The following DNAH14 variants were observed in gnomAD, a reference collection of about 807,000 sequenced individuals.
DNAH14 encodes dynein axonemal heavy chain 14, also known as axonemal beta dynein heavy chain 14.
Under a neutral mutation model 520.9 loss-of-function variants are expected in DNAH14, and 478 were observed. The ratio of observed to expected loss-of-function variants is 0.92; its 90% CI spans 0.85 to 0.99. The LOEUF (loss-of-function observed/expected upper bound fraction) is 0.99. Ranked by LOEUF, DNAH14 falls within the 50% of genes least tolerant of loss-of-function variation. The pLI, the probability that DNAH14 is intolerant of heterozygous loss-of-function variation, is 0.00. For missense variants in DNAH14, 4,831 were observed against 5,234.5 expected (o/e 0.92, Z 2.38); for synonymous variants, 1,581 against 1,757.2 (o/e 0.90, Z 2.51).
intron 17 of DNAH14, among the ~76,000 whole-genome samples, chr1:225,058,956 T>A (rs2148389041): frequency 6.6e-6 from 1 of 152,298 alleles, no homozygotes; most frequent in East Asian, 1.9e-4. Context: ...TCCAACTATG[T>A]GGTCAATTTT....
At chr1:225,371,847 C>A (rs937248871) in intron 77 of DNAH14, among the ~76,000 whole-genome samples, 3 of 152,062 alleles carry the variant, frequency 2.0e-5, no homozygotes, top group Admixed American at 1.3e-4. Context: ...ACAAATTTAA[C>A]AAGAAACATA....
intron 2 of DNAH14, chr1:224,953,129 C>CTTTTTTTTT (rs56337123): frequency 0.083 from 12,606 of 151,086 alleles, 1,904 homozygotes; most frequent in African/African-American, 0.31. Flanking sequence ...CATAGAAATA[C>CTTTTTTTTT]TTTTTTTTTT....
At chr1:225,351,390 CA>C (rs2095364526) in intron 71 of DNAH14, among the ~76,000 whole-genome samples, 1 of 151,438 alleles carries the variant, frequency 6.6e-6, no homozygotes, top group Non-Finnish European at 1.5e-5. Flanking sequence ...GACTCTGTCT[CA>C]AAAAACAAAA....
At chr1:225,033,944 G>GT (rs755613078) in intron 11 of DNAH14, among the ~76,000 whole-genome samples, 3 of 152,146 alleles carry the variant, frequency 2.0e-5, no homozygotes, top group Admixed American at 6.5e-5. Context: ...TGCTAAAGCT[G>GT]TTTATCAGCT....
At chr1:225,392,559 A>AGTGCCTGGCATGT in intron 84 of DNAH14, 108 bp downstream of exon 84, 4 of 1,342,212 alleles carry the variant, frequency 3.0e-6, no homozygotes, top group Non-Finnish European at 4.0e-6. Context: ...ACCACATGCC[A>AGTGCCTGGCATGT]GGCACTAGAC....
chr1:225,335,369 A>G (rs1370930354), intron 66 of DNAH14, among the ~76,000 whole-genome samples: 1 of 68,306 alleles, frequency 1.5e-5, no homozygotes, highest in Admixed American at 1.6e-4. Flanking sequence ...ACACGTGTAC[A>G]TGTGTGTGTA....
At chr1:225,227,242 G>A (rs572874945) in intron 41 of DNAH14, among the ~76,000 whole-genome samples, 1 of 152,046 alleles carries the variant, frequency 6.6e-6, no homozygotes, top group Non-Finnish European at 1.5e-5. Context: ...TCTCAGTAGG[G>A]GGAAACCTTG....
chr1:225,122,988 G>T (rs916033754), intron 26 of DNAH14, among the ~76,000 whole-genome samples: 1 of 152,086 alleles, frequency 6.6e-6, no homozygotes, highest in African/African-American at 2.4e-5. Flanking sequence ...ATCATTGACC[G>T]ATTTGACTAT....
intron 1 of DNAH14, among the ~76,000 whole-genome samples, chr1:224,936,414 G>T (rs534655181): frequency 1.3e-5 from 2 of 151,630 alleles, no homozygotes; most frequent in South Asian, 2.1e-4. Flanking sequence ...GAAATATAAA[G>T]AATTATTATA....
At chr1:225,044,990 A>G (rs2067818396) in intron 15 of DNAH14, among the ~76,000 whole-genome samples, 1 of 151,894 alleles carries the variant, frequency 6.6e-6, no homozygotes, top group Non-Finnish European at 1.5e-5. Context: ...GTCTGATGCT[A>G]CTCTGATTCT....
intron 27 of DNAH14, among the ~76,000 whole-genome samples, chr1:225,129,891 A>G (rs1159112940): frequency 6.6e-6 from 1 of 152,202 alleles, no homozygotes; most frequent in Non-Finnish European, 1.5e-5. Flanking sequence ...AATCCACAAA[A>G]TGGGAGAAAA....
At chr1:225,104,879 A>C (rs9919164) in intron 23 of DNAH14, among the ~76,000 whole-genome samples, 69 of 152,088 alleles carry the variant, frequency 4.5e-4, no homozygotes, top group South Asian at 1.0e-3. Flanking sequence ...TTATGTCTCT[A>C]TGTCCTTCAG....
chr1:225,384,200 G>A (rs1263536235), intron 81 of DNAH14, among the ~76,000 whole-genome samples: 2 of 152,214 alleles, frequency 1.3e-5, no homozygotes, highest in African/African-American at 4.8e-5. Flanking sequence ...GTGCTGAGAA[G>A]AATGTATATT....
intron 8 of DNAH14, among the ~76,000 whole-genome samples, chr1:224,987,845 C>G: frequency 6.6e-6 from 1 of 152,080 alleles, no homozygotes; most frequent in Non-Finnish European, 1.5e-5. Context: ...CCAGGCTGGT[C>G]TCGAACTCCT....
intron 1 of DNAH14, among the ~76,000 whole-genome samples, chr1:224,930,864 C>T (rs368743192): frequency 1.3e-5 from 2 of 152,202 alleles, no homozygotes; most frequent in African/African-American, 2.4e-5. Flanking sequence ...TCCCAAAGTG[C>T]TGGGATTACA....
chr1:225,088,424 A>G (rs2074027006), intron 21 of DNAH14, among the ~76,000 whole-genome samples: 1 of 152,208 alleles, frequency 6.6e-6, no homozygotes, highest in Non-Finnish European at 1.5e-5. Context: ...ACAGGGCAGA[A>G]GAAAAGATTG....
At chr1:224,978,222 G>T (rs1050084018) in intron 8 of DNAH14, among the ~76,000 whole-genome samples, 17 of 152,280 alleles carry the variant, frequency 1.1e-4, no homozygotes, top group African/African-American at 4.1e-4. Flanking sequence ...CATGTTTACT[G>T]CAGCACTGTT....
Position 225,331,464 on chromosome 1 carries a change from G to T in DNAH14, c.9751G>T (p.Ala3251Ser). ...LVEEHLLFLQ[A>S]AYKDTVAEKQ... ...TGAAGAACATTTGCTGTTTTTACAG[G>T]CAGCTTACAAAGATACCGTTGCTGA... The change falls in exon 65 of 86, where the codon GCA becomes TCA. Residue 3251 changes from alanine to serine, a missense_variant. Ala to Ser is a moderately conservative substitution (Grantham distance 99, BLOSUM62 1). Coordinates refer to ENST00000682510, the MANE Select transcript of DNAH14 (RefSeq NM_001367479.1). The T allele has an allele frequency of 6.4e-7, 1 of 1,550,482 alleles. No homozygotes were observed. Among genetic ancestry groups the T allele is most frequent in the South Asian group, 1.2e-5 (1 of 83,742 alleles).
intron 71 of DNAH14, among the ~76,000 whole-genome samples, chr1:225,350,731 G>A (rs2095353483): frequency 6.6e-6 from 1 of 151,076 alleles, no homozygotes; most frequent in East Asian, 1.9e-4. Flanking sequence ...CAATAACAAG[G>A]AGATTGAACT....
Sources: gnomAD v4.1 joint callset for allele counts (sites outside exome capture counted in the v4.1 genomes callset) on GRCh38, gnomAD v4.1.1 for gene constraint, MANE v1.5 for transcripts, NCBI Gene and HGNC (gene_info 2026-07-23, HGNC 2026-07-21) for gene names.